The following LRFN5 variants were observed in gnomAD, a reference collection of about 807,000 sequenced individuals.
The protein encoded by LRFN5 is leucine rich repeat and fibronectin type III domain containing 5.
LRFN5 carries 24 observed loss-of-function variants against 45.6 expected under a neutral mutation model. The ratio of observed to expected loss-of-function variants is 0.53; its 90% CI spans 0.38 to 0.74. The LOEUF is 0.74. Among genes scored for constraint, LRFN5 ranks in the 30% least tolerant of loss-of-function variants. The pLI is 0.00. For synonymous variants in LRFN5, 340 were observed against 313.8 expected, an observed-to-expected ratio of 1.08 and a Z score of -0.88; for missense variants, 776 against 861.5, an observed-to-expected ratio of 0.90 and a Z score of 1.24.
chr14:41,704,438 C>CTGTGTGTGTGTGTGTG (rs199862342), intron 1 of LRFN5, among the ~76,000 whole-genome samples: 9,305 of 110,906 alleles, frequency 0.084, 576 homozygotes, highest in East Asian at 0.19. Flanking sequence ...CTCTCTCTCT[C>CTGTGTGTGTGTGTGTG]TCTCTCTCTC....
chr14:41,782,618 G>C (rs1036569415), intron 2 of LRFN5, among the ~76,000 whole-genome samples: 1 of 152,142 alleles, frequency 6.6e-6, no homozygotes, highest in African/African-American at 2.4e-5. Flanking sequence ...ATGTGGCATT[G>C]AGTAACAGAA....
At chr14:41,809,653 G>A (rs996640492) in intron 2 of LRFN5, among the ~76,000 whole-genome samples, 35 of 151,190 alleles carry the variant, frequency 2.3e-4, no homozygotes, top group Non-Finnish European at 4.4e-4. Flanking sequence ...TTAAATATAT[G>A]TTTATGTATT....
At chr14:41,814,679 C>T (rs1887855245) in intron 2 of LRFN5, among the ~76,000 whole-genome samples, 1 of 152,140 alleles carries the variant, frequency 6.6e-6, no homozygotes, top group Non-Finnish European at 1.5e-5. Context: ...TTACTGCTCC[C>T]CCCACTTTGT....
intron 1 of LRFN5, among the ~76,000 whole-genome samples, chr14:41,625,809 A>G (rs987103560): frequency 6.6e-6 from 1 of 152,154 alleles, no homozygotes; most frequent in African/African-American, 2.4e-5. Flanking sequence ...CATTTAAACA[A>G]CTTTATACAG....
intron 1 of LRFN5, among the ~76,000 whole-genome samples, chr14:41,690,652 A>G (rs1882339552): frequency 6.6e-6 from 1 of 152,224 alleles, no homozygotes; most frequent in Non-Finnish European, 1.5e-5. Context: ...AACTTAATAA[A>G]GGACATCTAT....
At chr14:41,780,617 T>A (rs1435426895) in intron 2 of LRFN5, among the ~76,000 whole-genome samples, 1 of 152,110 alleles carries the variant, frequency 6.6e-6, no homozygotes, top group African/African-American at 2.4e-5. Context: ...AGTTTTTTTG[T>A]AAATCAAATC....
At chr14:41,667,223 T>C (rs1432010284) in intron 1 of LRFN5, among the ~76,000 whole-genome samples, 2 of 152,166 alleles carry the variant, frequency 1.3e-5, no homozygotes, top group African/African-American at 2.4e-5. Context: ...AGGCTATCAC[T>C]CTGCTTTGTT....
chr14:41,855,656 C>T (rs1410330382), intron 2 of LRFN5, among the ~76,000 whole-genome samples: 1 of 152,114 alleles, frequency 6.6e-6, no homozygotes, highest in Non-Finnish European at 1.5e-5. Flanking sequence ...TTCTTGCCTA[C>T]TAAGGAAACT....
At chr14:41,780,425 T>C (rs1566436031) in intron 2 of LRFN5, among the ~76,000 whole-genome samples, 1 of 152,082 alleles carries the variant, frequency 6.6e-6, no homozygotes, top group Admixed American at 6.6e-5. Flanking sequence ...TTCTCATTAC[T>C]AAATGTTCCT....
chr14:41,661,343 GC>G (rs1475048852), intron 1 of LRFN5, among the ~76,000 whole-genome samples: 1 of 151,900 alleles, frequency 6.6e-6, no homozygotes, highest in African/African-American at 2.4e-5. Flanking sequence ...CACCCAGGAT[GC>G]TTTTCAAAAT....
intron 2 of LRFN5, among the ~76,000 whole-genome samples, chr14:41,885,694 G>T (rs1452377803): frequency 6.6e-6 from 1 of 151,990 alleles, no homozygotes; most frequent in Non-Finnish European, 1.5e-5. Context: ...GTTATTTTTT[G>T]AGAATAAGAT....
intron 1 of LRFN5, among the ~76,000 whole-genome samples, chr14:41,728,253 C>T (rs1216382214): frequency 6.6e-6 from 1 of 151,964 alleles, no homozygotes; most frequent in African/African-American, 2.4e-5. Context: ...TTGAAGAAAA[C>T]ACAAATAAGG....
At chr14:41,708,703 G>A (rs1461666322) in intron 1 of LRFN5, among the ~76,000 whole-genome samples, 1 of 138,974 alleles carries the variant, frequency 7.2e-6, no homozygotes, top group African/African-American at 2.8e-5. Context: ...TCCCATTATG[G>A]ATTTTGCTGA....
chr14:41,674,340 A>C (rs1246551515), intron 1 of LRFN5, among the ~76,000 whole-genome samples: 6 of 92,758 alleles, frequency 6.5e-5, no homozygotes, highest in African/African-American at 1.3e-4. Flanking sequence ...CGACCCCCCC[A>C]CCTCCCTCCC....
At chr14:41,898,566 A>T (rs1342395223) in intron 4 of LRFN5, among the ~76,000 whole-genome samples, 1 of 152,044 alleles carries the variant, frequency 6.6e-6, no homozygotes, top group African/African-American at 2.4e-5. Flanking sequence ...ATCTATATAG[A>T]TGAAATGTCA....
At chr14:41,702,461 T>TTTTG (rs149110622) in intron 1 of LRFN5, among the ~76,000 whole-genome samples, 1 of 151,558 alleles carries the variant, frequency 6.6e-6, no homozygotes, top group African/African-American at 2.4e-5. Context: ...GTGGTGAAGG[T>TTTTG]TTTGTTTGTT....
At chr14:41,662,890 A>G (rs1200837166) in intron 1 of LRFN5, among the ~76,000 whole-genome samples, 1 of 152,102 alleles carries the variant, frequency 6.6e-6, no homozygotes, top group Non-Finnish European at 1.5e-5. Context: ...GCACAGCACA[A>G]TATACCCATT....
chr14:41,762,787 A>G (rs772815701), intron 1 of LRFN5, among the ~76,000 whole-genome samples: 18 of 152,148 alleles, frequency 1.2e-4, no homozygotes, highest in Non-Finnish European at 2.4e-4. Context: ...GAACTGTAGT[A>G]AAACCATATG....
At chr14:41,881,034 A>G (rs898447386) in intron 2 of LRFN5, among the ~76,000 whole-genome samples, 1 of 152,088 alleles carries the variant, frequency 6.6e-6, no homozygotes, top group Non-Finnish European at 1.5e-5. Context: ...TGCTTCATGG[A>G]TGGCCTGGTT....
Sources: allele counts gnomAD v4.1 joint callset (sites outside exome capture counted in the v4.1 genomes callset), GRCh38; gene constraint gnomAD v4.1.1; transcripts MANE v1.5; gene names NCBI Gene and HGNC (gene_info 2026-07-23, HGNC 2026-07-21).